WASHC4: variants seen among roughly 807,000 people sequenced by gnomAD.
WASHC4 encodes WASH complex subunit 4, also known as WASH complex subunit 7.
A neutral mutation model predicts 166.6 loss-of-function variants in WASHC4; 86 were observed. That is an observed-to-expected ratio of 0.52 (90% CI 0.43 to 0.62). WASHC4 has a LOEUF of 0.62. WASHC4 is among the 20% of genes least tolerant of loss of function. The probability of loss-of-function intolerance (pLI) is 0.00; values close to 1 mark genes in which losing one functional copy is unlikely to be tolerated. For synonymous variants in WASHC4, 446 were observed against 451.6 expected (o/e 0.99, Z 0.16); for missense variants, 1,262 against 1,382.4 (o/e 0.91, Z 1.38).
intron 22 of WASHC4, among the ~76,000 whole-genome samples, chr12:105,145,609 A>C (rs1017229571): frequency 3.9e-5 from 6 of 152,040 alleles, no homozygotes; most frequent in African/African-American, 1.4e-4. Context: ...TAGGCACTGA[A>C]CTATGTTTAG....
At chr12:105,139,425 G>GTGTGTGTGTGTGTGTGTATATATATA in intron 15 of WASHC4, among the ~76,000 whole-genome samples, 2 of 103,190 alleles carry the variant, frequency 1.9e-5, no homozygotes, top group East Asian at 5.5e-4. Context: ...ATGTGTGTGT[G>GTGTGTGTGTGTGTGTGTATATATATA]TATATATATA....
chr12:105,146,307 G>A (rs185124584), intron 22 of WASHC4, 145 bp from the exon 23 acceptor site: 180 of 578,172 alleles, frequency 3.1e-4, no homozygotes, highest in African/African-American at 3.0e-3. Flanking sequence ...GTCTTTTAAC[G>A]TTTGATCGTA....
chr12:105,152,460 T>C lies in WASHC4; in HGVS notation c.2758+9T>C, dbSNP rs749705612. ...ACTCATCAGCCAGATTGGTAAGTTA[T>C]GATAAAAGTGTTGGGAAATCAGGTA... is the stretch of plus-strand genomic sequence containing the variant. On this transcript the variant is annotated intron_variant, in intron 26 of 32. Transcript: ENST00000332180. 8 of 1,438,570 alleles carry C rather than the reference T, an allele frequency of 5.6e-6. No homozygotes were observed. The highest frequency in any genetic ancestry group is 2.3e-5 in the East Asian group (1 of 44,014). The allele number at this position is 1,438,570 out of a possible 1,614,324, so 89.1% of individuals were successfully genotyped here. A position where few individuals can be genotyped will look rare whatever the true frequency, so the allele number is the denominator to read the frequency against.
In WASHC4 at chr12:105,160,032, C is replaced by T. The variant is rs367570480; in HGVS notation, c.2944C>T (p.Arg982Ter). 1.2e-5 allele frequency: 20 copies of T among 1,613,960 alleles called. No homozygotes were observed. The highest frequency in any genetic ancestry group is 3.3e-5 in the South Asian group (3 of 91,074). ...HLDSVLSDHT[R>*]NSAEGTEYFK... ...GGATTCAGTCCTCAGTGATCACACA[C>T]GAAATTCTGCCGAAGGCACAGAATA... The change falls in exon 29 of 33, where the codon CGA becomes TGA. Residue 982 changes from arginine (R) to a stop codon, truncating the protein, a stop_gained. Transcript: ENST00000332180. LOFTEE classifies it high-confidence loss of function.
At chr12:105,152,892 C>G (rs1024777117) in intron 26 of WASHC4, among the ~76,000 whole-genome samples, 1 of 152,068 alleles carries the variant, frequency 6.6e-6, no homozygotes, top group African/African-American at 2.4e-5. Context: ...ATGTATTGTC[C>G]TTCTGCCCTT....
At chr12:105,135,664 T>G (rs376276547) in intron 14 of WASHC4, among the ~76,000 whole-genome samples, 1 of 136,716 alleles carries the variant, frequency 7.3e-6, no homozygotes, top group African/African-American at 2.8e-5. Context: ...CTGTTTCCTC[T>G]GTTCTAATTC....
intron 24 of WASHC4, chr12:105,149,228 G>A (rs1002437412): frequency 2.0e-6 from 2 of 985,208 alleles, no homozygotes; most frequent in African/African-American, 3.5e-5. Context: ...TATCATTCTA[G>A]ACCTGTAGAT....
chr12:105,118,860 T>C (rs1421818774), intron 7 of WASHC4, among the ~76,000 whole-genome samples: 1 of 152,212 alleles, frequency 6.6e-6, no homozygotes, highest in Non-Finnish European at 1.5e-5. Context: ...CTGACTCTAA[T>C]GGAGTCACTT....
rs1266889566 is a variant in WASHC4 at position 105,149,723 on chromosome 12, G to T, written c.2623G>T (p.Glu875Ter). 6.3e-7 allele frequency: 1 copy of T among 1,592,864 alleles called. No individual in the cohort carries two copies. The highest frequency in any genetic ancestry group is 8.6e-7 in the Non-Finnish European group (1 of 1,162,988). Residue 875 changes from glutamate to a stop codon, truncating the protein, a stop_gained, in exon 25 of 33, where the codon GAA becomes TAA. Coordinates refer to ENST00000332180, the MANE Select transcript of WASHC4 (RefSeq NM_015275.3). LOFTEE classifies it high-confidence loss of function. Reference protein sequence around the residue: ...RLIKDIRFFREIKDQNDHKYP... With the variant: ...RLIKDIRFFR ...GATTAAAGATATTCGATTTTTCAGG[G>T]AAATTAAGGACCAAAATGATCATAA...
intron 29 of WASHC4, 29 bp downstream of exon 29, chr12:105,160,177 T>G (rs1884408569): frequency 6.3e-7 from 1 of 1,594,450 alleles, no homozygotes; most frequent in Non-Finnish European, 8.6e-7. Flanking sequence ...TAAAATGAAT[T>G]TTTTTTTTAA....
Position 105,107,762 on chromosome 12 carries a change from G to A in WASHC4, c.-39G>A. ...TGGGGTGAGGCCGTCGTCGCCGCAC[G>A]GGCTGGTTGGGGCTGTGTCTGTGGG... is the stretch of plus-strand genomic sequence containing the variant. On this transcript the variant is annotated 5_prime_UTR_variant, in exon 1 of 33. Transcript: ENST00000332180. 2 of 1,492,188 alleles carry A rather than the reference G, an allele frequency of 1.3e-6. No homozygotes were observed. Among genetic ancestry groups the A allele is most frequent in the Non-Finnish European group, 1.8e-6 (2 of 1,095,994 alleles). 92.4% of individuals were successfully genotyped at this position (1,492,188 alleles called of 1,614,324 possible). A position where few individuals can be genotyped will look rare whatever the true frequency, so the allele number is the denominator to read the frequency against.
chr12:105,120,366 T>C (rs916581750), intron 7 of WASHC4, among the ~76,000 whole-genome samples, 189 bp from the exon 8 acceptor site: 3 of 152,222 alleles, frequency 2.0e-5, no homozygotes, highest in Non-Finnish European at 4.4e-5. Flanking sequence ...TGCACCATCC[T>C]AATAGTATGC....
intron 29 of WASHC4, among the ~76,000 whole-genome samples, chr12:105,161,274 TTTTG>T (rs754501453): frequency 6.6e-6 from 1 of 152,244 alleles, no homozygotes; most frequent in Non-Finnish European, 1.5e-5. Context: ...TTTCCATGAA[TTTTG>T]TTTCTTTTAT....
chr12:105,116,905 A>C (rs933166930), intron 6 of WASHC4, among the ~76,000 whole-genome samples: 2 of 152,196 alleles, frequency 1.3e-5, no homozygotes, highest in Non-Finnish European at 2.9e-5. Flanking sequence ...CTTGGAGAAG[A>C]AGCCCCATGA....
intron 2 of WASHC4, among the ~76,000 whole-genome samples, chr12:105,112,021 A>C (rs1879722096): frequency 6.6e-6 from 1 of 152,184 alleles, no homozygotes; most frequent in Non-Finnish European, 1.5e-5. Context: ...CAAAAAAGAA[A>C]CCATGTACCG....
chr12:105,109,669 T>TTTTTC (rs1416228518), intron 1 of WASHC4, among the ~76,000 whole-genome samples: 22 of 149,842 alleles, frequency 1.5e-4, no homozygotes, highest in South Asian at 6.3e-4. Context: ...TTTTTTTTTT[T>TTTTTC]TCGAGACAAG....
At chr12:105,145,605 C>T (rs564645380) in intron 22 of WASHC4, among the ~76,000 whole-genome samples, 20 of 151,984 alleles carry the variant, frequency 1.3e-4, no homozygotes, top group Admixed American at 3.9e-4. Context: ...ATGCTAGGCA[C>T]TGAACTATGT....
At chr12:105,124,278 C>A (rs528338405) in intron 10 of WASHC4, among the ~76,000 whole-genome samples, 1 of 151,518 alleles carries the variant, frequency 6.6e-6, no homozygotes, top group Non-Finnish European at 1.5e-5. Context: ...TACTACCATG[C>A]CCAGCTAATT....
chr12:105,139,233 G>A (rs1054977123), intron 15 of WASHC4, among the ~76,000 whole-genome samples: 9 of 151,152 alleles, frequency 6.0e-5, no homozygotes, highest in Non-Finnish European at 1.2e-4. Flanking sequence ...GATAGACTTC[G>A]GGTTGTTTCC....
Sources: allele counts gnomAD v4.1 joint callset (sites outside exome capture counted in the v4.1 genomes callset), GRCh38; gene constraint gnomAD v4.1.1; transcripts MANE v1.5; gene names NCBI Gene and HGNC (gene_info 2026-07-23, HGNC 2026-07-21).